The following CHMP4B variants were observed in gnomAD, a reference collection of about 807,000 sequenced individuals.
CHMP4B encodes charged multivesicular body protein 4B, also known as SNF7 homolog associated with Alix 1.
A neutral mutation model predicts 25.1 loss-of-function variants in CHMP4B; 1 was observed. The observed-to-expected ratio is 0.04, with a 90% CI of 0.01 to 0.19. The LOEUF (loss-of-function observed/expected upper bound fraction) is 0.19. CHMP4B is among the 10% of genes least tolerant of loss of function. The pLI is 1.00. For missense variants in CHMP4B, 151 were observed against 289.7 expected, an observed-to-expected ratio of 0.52 and a Z score of 3.48; for synonymous variants, 101 against 115.6, an observed-to-expected ratio of 0.87 and a Z score of 0.81.
At chr20:33,839,891 A>G (rs889527240) in intron 1 of CHMP4B, among the ~76,000 whole-genome samples, 3 of 152,262 alleles carry the variant, frequency 2.0e-5, no homozygotes, top group Non-Finnish European at 2.9e-5. Flanking sequence ...CAAGTGGTAC[A>G]GTAACAGTAC....
rs779221149 is a variant in CHMP4B, at chr20:33,850,924, A to T, written c.369-28A>T. The T allele has an allele frequency of 9.2e-5, 140 of 1,515,528 alleles. No individual in the cohort carries two copies. The East Asian group carries it at 3.1e-3, about 34-fold the overall frequency. The allele number at this position is 1,515,528 out of a possible 1,614,324, so 93.9% of individuals were successfully genotyped here. A position where few individuals can be genotyped will look rare whatever the true frequency, so the allele number is the denominator to read the frequency against. ...CCCCTTTACGCAGCCTAATCGATTG[A>T]TATGATACCTGTCCATTGCATTTGA... On this transcript the variant is annotated intron_variant, in intron 2 of 4. Transcript: ENST00000217402.
chr20:33,842,387 C>T (rs113651148), intron 1 of CHMP4B, among the ~76,000 whole-genome samples: 5 of 152,282 alleles, frequency 3.3e-5, no homozygotes, highest in African/African-American at 4.8e-5. Context: ...TCACTTCCTC[C>T]GTCCAGCAGA....
In CHMP4B at chr20:33,823,375, G is replaced by A. The variant is rs369247857; in HGVS notation, c.190+11717G>A. 8.6e-5 allele frequency among the ~76,000 whole-genome samples: 13 copies of A among 151,900 alleles called. No homozygotes were observed. The East Asian group carries it at 2.3e-3, about 27-fold the overall frequency. On this transcript the variant is annotated intron_variant, in intron 1 of 4. Coordinates refer to ENST00000217402, the MANE Select transcript of CHMP4B (RefSeq NM_176812.5). Reference sequence around the variant, plus strand: ...TGGGCTGTATCACAGTAGATTTTCTGGTGTGTTTGATATTCCATAGGATCT... The same window carrying A: ...TGGGCTGTATCACAGTAGATTTTCTAGTGTGTTTGATATTCCATAGGATCT...
At chr20:33,825,741 C>T (rs527983111) in intron 1 of CHMP4B, among the ~76,000 whole-genome samples, 17 of 152,124 alleles carry the variant, frequency 1.1e-4, no homozygotes, top group Non-Finnish European at 2.4e-4. Context: ...AAAATAATGG[C>T]CTTGAACTTG....
At chr20:33,842,300 A>G (rs931517561) in intron 1 of CHMP4B, among the ~76,000 whole-genome samples, 2 of 152,022 alleles carry the variant, frequency 1.3e-5, no homozygotes, top group Non-Finnish European at 2.9e-5. Context: ...TCAGGGTGGT[A>G]TGGCCGTAGA....
At chr20:33,815,263 C>T (rs572636526) in intron 1 of CHMP4B, among the ~76,000 whole-genome samples, 13 of 152,176 alleles carry the variant, frequency 8.5e-5, no homozygotes, top group African/African-American at 2.7e-4. Flanking sequence ...GGTAAGTGAC[C>T]GATAAATGCT....
At chr20:33,852,953 A>G (rs1979897503) in intron 4 of CHMP4B, among the ~76,000 whole-genome samples, 1 of 152,144 alleles carries the variant, frequency 6.6e-6, no homozygotes, top group East Asian at 1.9e-4. Flanking sequence ...AAGCGAGGCA[A>G]TTTGATGTGG....
At chr20:33,849,522 C>A (rs1183328903) in intron 2 of CHMP4B, among the ~76,000 whole-genome samples, 1 of 152,154 alleles carries the variant, frequency 6.6e-6, no homozygotes, top group Non-Finnish European at 1.5e-5. Context: ...CGTTTGAACC[C>A]AGGAAGTGGA....
intron 1 of CHMP4B, among the ~76,000 whole-genome samples, chr20:33,818,205 A>G (rs1374300489): frequency 1.3e-5 from 2 of 152,250 alleles, no homozygotes; most frequent in African/African-American, 4.8e-5. Context: ...ATAAAGATGG[A>G]TGAGACACTG....
At chr20:33,815,231 C>T (rs2122780062) in intron 1 of CHMP4B, among the ~76,000 whole-genome samples, 1 of 152,248 alleles carries the variant, frequency 6.6e-6, no homozygotes, top group South Asian at 2.1e-4. Flanking sequence ...ATGCCAAGCT[C>T]CTAGGACAAT....
chr20:33,841,049 CTTTG>C (rs1338916465), intron 1 of CHMP4B, among the ~76,000 whole-genome samples: 6 of 152,126 alleles, frequency 3.9e-5, no homozygotes, highest in South Asian at 2.1e-4. Context: ...ACGGAACACA[CTTTG>C]TTTGTATTGT....
At chr20:33,811,728 T>C (rs1375705305) in intron 1 of CHMP4B, 70 bp downstream of exon 1, 1 of 1,486,868 alleles carries the variant, frequency 6.7e-7, no homozygotes, top group Non-Finnish European at 9.2e-7. Flanking sequence ...GACTTCACCT[T>C]CATCAGACTC....
At position 33,822,945 on chromosome 20, in the gene CHMP4B, C is replaced by T. The variant is rs1043541412; in HGVS notation, c.190+11287C>T. 6.6e-5 allele frequency among the ~76,000 whole-genome samples: 10 copies of T among 152,026 alleles called. No individual in the cohort carries two copies. In the East Asian group the frequency reaches 7.8e-4, roughly 12 times the overall value. On this transcript the variant is annotated intron_variant, in intron 1 of 4. Coordinates refer to ENST00000217402, the MANE Select transcript of CHMP4B (RefSeq NM_176812.5). ...GAGTAGCTACAGGTGCCCACCACCA[C>T]GCCGGGCTAATTTTTTGTATTTTTA...
chr20:33,846,605 G>A (rs1979695523), intron 1 of CHMP4B, among the ~76,000 whole-genome samples: 1 of 152,206 alleles, frequency 6.6e-6, no homozygotes, highest in Non-Finnish European at 1.5e-5. Flanking sequence ...CTATACGCAG[G>A]CCAAGCCGTT....
intron 1 of CHMP4B, among the ~76,000 whole-genome samples, chr20:33,822,425 G>C (rs1454988976): frequency 6.6e-6 from 1 of 152,194 alleles, no homozygotes; most frequent in Non-Finnish European, 1.5e-5. Flanking sequence ...GATTATAGGC[G>C]TGAGCCACCG....
At chr20:33,823,640 C>G (rs1211251426) in intron 1 of CHMP4B, among the ~76,000 whole-genome samples, 1 of 152,176 alleles carries the variant, frequency 6.6e-6, no homozygotes, top group Non-Finnish European at 1.5e-5. Flanking sequence ...CAGATTCAAG[C>G]ACTTCTCCTG....
intron 1 of CHMP4B, among the ~76,000 whole-genome samples, chr20:33,832,793 T>A (rs911670825): frequency 2.0e-5 from 3 of 150,588 alleles, no homozygotes; most frequent in Non-Finnish European, 3.0e-5. Flanking sequence ...TTTTTTTTTT[T>A]AAAGAGACAG....
At chr20:33,832,582 C>T (rs1414907064) in intron 1 of CHMP4B, among the ~76,000 whole-genome samples, 1 of 152,074 alleles carries the variant, frequency 6.6e-6, no homozygotes, top group Admixed American at 6.5e-5. Flanking sequence ...GTAAATGGTA[C>T]ATAATTTTAA....
At position 33,811,445 on chromosome 20, in the gene CHMP4B, AG is replaced by A. The variant is rs1568603538; in HGVS notation, c.-22del. 1 of 1,485,052 alleles carries A rather than the reference AG, an allele frequency of 6.7e-7. No individual in the cohort carries two copies. 92.0% of individuals were successfully genotyped at this position (1,485,052 alleles called of 1,614,324 possible). On this transcript the variant is annotated 5_prime_UTR_variant, in exon 1 of 5. Transcript: ENST00000217402. ...CGAGCCGAGCCGGAGCGGGCGGCGA[AG>A]GCCGGCGCGGCGAGCAGCAACCATG...
Sources: gnomAD v4.1 joint callset for allele counts (sites outside exome capture counted in the v4.1 genomes callset) on GRCh38, gnomAD v4.1.1 for gene constraint, MANE v1.5 for transcripts, NCBI Gene and HGNC (gene_info 2026-07-23, HGNC 2026-07-21) for gene names.